The following EPHA8 variants were observed in gnomAD, a reference collection of about 807,000 sequenced individuals.
EPHA8 encodes the protein EPH receptor A8.
In EPHA8, 58 loss-of-function variants were observed where a neutral mutation model predicts 103.6. The observed-to-expected ratio is 0.56, with a 90% CI of 0.45 to 0.70. The LOEUF (loss-of-function observed/expected upper bound fraction) is 0.70, where lower values mean the gene tolerates loss of function less well. EPHA8 is among the 30% of genes least tolerant of loss of function. The pLI is 0.00. For missense variants in EPHA8, 1,304 were observed against 1,395.2 expected (o/e 0.93, Z 1.04); for synonymous variants, 559 against 572.5 (o/e 0.98, Z 0.34).
In EPHA8 at chr1:22,589,067, G is replaced by A. The variant is rs752121330; in HGVS notation, c.1176G>A (p.Leu392=). 1 of 1,613,306 alleles carries A rather than the reference G, an allele frequency of 6.2e-7. No individual in the cohort carries two copies. The highest frequency in any genetic ancestry group is 8.5e-7 in the Non-Finnish European group (1 of 1,179,728). Residue 392 remains leucine (L), a synonymous_variant, in exon 5 of 17, where the codon CTG becomes CTA. Coordinates refer to ENST00000166244, the MANE Select transcript of EPHA8 (RefSeq NM_020526.5). The surrounding 1 kb of genome is among the most constrained non-coding windows in gnomAD (Gnocchi z 4.3). ...GTRFVPQQTS[L]VQASLLVANL... ...GCTTTGTGCCCCAGCAGACAAGCCT[G>A]GTGCAGGCCAGCCTGCTGGTGGCCA...
At position 22,597,195 on chromosome 1, in the gene EPHA8, TCCAG is replaced by T; in HGVS notation, c.1766-116_1766-113del. Reference sequence around the variant, plus strand: ...GGGGTGCGTGTTGTTTGCTACCACATCCAGAGACTCCCAGAGACACCCCTCACCC... The same window carrying T: ...GGGGTGCGTGTTGTTTGCTACCACATAGACTCCCAGAGACACCCCTCACCC... On this transcript the variant is annotated intron_variant, in intron 9 of 16. Transcript: ENST00000166244. This position sits in a 1 kb window ranked among gnomAD's most constrained non-coding sequence, Gnocchi z 4.6. 1 of 821,234 alleles carries T rather than the reference TCCAG, an allele frequency of 1.2e-6. No homozygotes were observed. Among genetic ancestry groups the T allele is most frequent in the Non-Finnish European group, 1.8e-6 (1 of 544,948 alleles). The allele number at this position is 821,234 out of a possible 1,614,324, so 50.9% of individuals were successfully genotyped here.
At position 22,593,608 on chromosome 1, in the gene EPHA8, G is replaced by C. The variant is rs767371482; in HGVS notation, c.1525G>C (p.Val509Leu). Residue 509 changes from valine to leucine, a missense_variant, in exon 7 of 17, where the codon GTG becomes CTG. Val to Leu is a conservative substitution (Grantham distance 32). Transcript: ENST00000166244. Reference sequence around the variant, plus strand: ...CGGCCTCAAGCCGGGCACCCGCTACGTGTTCCAGGTCCGAGCCCGCACCTC... The same window carrying C: ...CGGCCTCAAGCCGGGCACCCGCTACCTGTTCCAGGTCCGAGCCCGCACCTC... ...VSGLKPGTRY[V>L]FQVRARTSAG... The C allele has an allele frequency of 6.2e-7, 1 of 1,610,994 alleles. No homozygotes were observed. Among genetic ancestry groups the C allele is most frequent in the Non-Finnish European group, 8.5e-7 (1 of 1,179,118 alleles).
intron 1 of EPHA8, among the ~76,000 whole-genome samples, chr1:22,566,105 C>A (rs1430520902): frequency 2.0e-5 from 3 of 152,226 alleles, no homozygotes; most frequent in African/African-American, 7.2e-5. Flanking sequence ...CAGTCCCCTA[C>A]AACAGGCCAC....
rs1268665513 is a variant in EPHA8 at position 22,585,056 on chromosome 1, C to T, written c.824-1424C>T. On this transcript the variant is annotated intron_variant, in intron 3 of 16. Transcript: ENST00000166244. The stretch of plus-strand genomic sequence containing the variant: ...GTGTGTGTGTGTGTGTGTGTGCGCA[C>T]GCGTGTGTCTAGAGTTCCAGAAGGG... Among the ~76,000 whole-genome samples, 814 of 86,622 alleles carry T rather than the reference C, an allele frequency of 9.4e-3. 4 individuals are homozygous for T. The highest frequency in any genetic ancestry group is 0.054 in the African/African-American group (737 of 13,546). 56.8% of individuals were successfully genotyped at this position (86,622 alleles called of 152,430 possible).
Position 22,601,633 on chromosome 1 carries a change from G to T in EPHA8, c.2910G>T (p.Val970=). The T allele has an allele frequency of 6.3e-7, 1 of 1,591,874 alleles. No homozygotes were observed. The highest frequency in any genetic ancestry group is 8.6e-7 in the Non-Finnish European group (1 of 1,169,452). Residue 970 remains valine (V), a synonymous_variant, in exon 17 of 17, where the codon GTG becomes GTT. Coordinates refer to ENST00000166244, the MANE Select transcript of EPHA8 (RefSeq NM_020526.5). ...GMVLRMNAQD[V]RALGITLMGH... ...CAGCACCCTTCCTTCACAGGGACGT[G>T]CGCGCCCTGGGCATCACCCTCATGG...
Position 22,598,168 on chromosome 1 carries a change from G to A in EPHA8, c.2134G>A (p.Val712Met), listed in dbSNP as rs149392840. 8 of 1,613,354 alleles carry A rather than the reference G, an allele frequency of 5.0e-6. No homozygotes were observed. The highest frequency in any genetic ancestry group is 6.8e-6 in the Non-Finnish European group (8 of 1,179,972). ...CCGCCCAGGCCGCCTGGCAATGATT[G>A]TGACTGAGTACATGGAGAACGGCTC... ...VVTRGRLAMI[V>M]TEYMENGSLD... Residue 712 changes from valine (V) to methionine (M), a missense_variant, in exon 12 of 17, where the codon GTG (valine) becomes ATG (methionine). Physicochemically the swap from Val to Met is conservative, Grantham distance 21 (BLOSUM62 1). Coordinates refer to ENST00000166244, the MANE Select transcript of EPHA8 (RefSeq NM_020526.5). This position sits in a 1 kb window ranked among gnomAD's most constrained non-coding sequence, Gnocchi z 5.1.
rs1363478134 is a variant in EPHA8, at chr1:22,578,610, AGT to A, written c.823+1733_823+1734del. ...GAATGCGTGTGTGCATGTGTGCATG[AGT>A]GTATGTCTGCGTGTGTGCATGTGTG... On this transcript the variant is annotated intron_variant, in intron 3 of 16. Coordinates refer to ENST00000166244, the MANE Select transcript of EPHA8 (RefSeq NM_020526.5). Among the ~76,000 whole-genome samples the A allele has an allele frequency of 4.7e-4, 58 of 124,210 alleles. No individual in the cohort carries two copies. In the East Asian group the frequency reaches 6.9e-3, roughly 15 times the overall value. 81.5% of individuals were successfully genotyped at this position (124,210 alleles called of 152,430 possible). A position where few individuals can be genotyped will look rare whatever the true frequency, so the allele number is the denominator to read the frequency against.
intron 3 of EPHA8, among the ~76,000 whole-genome samples, chr1:22,585,208 G>C (rs1408980068): frequency 6.6e-6 from 1 of 152,184 alleles, no homozygotes; most frequent in Non-Finnish European, 1.5e-5. Flanking sequence ...GTGGGGATCG[G>C]CCAGTGCTTT....
At position 22,576,264 on chromosome 1, in the gene EPHA8, G is replaced by A. The variant is rs781774323; in HGVS notation, c.207G>A (p.Thr69=). The change falls in exon 3 of 17, where the codon ACG becomes ACA. Residue 69 remains threonine, a synonymous_variant. Transcript: ENST00000166244. This position sits in a 1 kb window ranked among gnomAD's most constrained non-coding sequence, Gnocchi z 4.8. ...EVDESFQPIH[T]YQVCNVMSPN... is the part of the protein sequence containing the mutation. Reference sequence around the variant, plus strand: ...ACGAGTCCTTCCAGCCCATCCACACGTACCAGGTTTGCAACGTCATGAGCC... The same window carrying A: ...ACGAGTCCTTCCAGCCCATCCACACATACCAGGTTTGCAACGTCATGAGCC... 13 of 1,613,704 alleles carry A rather than the reference G, an allele frequency of 8.1e-6. No individual in the cohort carries two copies. In the South Asian group the frequency reaches 8.8e-5, roughly 11 times the overall value.
At chr1:22,599,721 AGGGAGGGAAGGAAGG>A (rs1557583354) in intron 13 of EPHA8, among the ~76,000 whole-genome samples, 14 of 746 alleles carry the variant, frequency 0.019, 1 homozygote, top group Admixed American at 0.034. Context: ...GAAGGAAGGG[AGGGAGGGAAGGAAGG>A]AGGGAGGGAG....
chr1:22,578,997 G>C (rs1462255055), intron 3 of EPHA8, among the ~76,000 whole-genome samples: 1 of 143,866 alleles, frequency 7.0e-6, no homozygotes, highest in Non-Finnish European at 1.5e-5. Context: ...GTGTGCATGT[G>C]TATATGCATG....
chr1:22,583,046 G>A (rs561546792), intron 3 of EPHA8, among the ~76,000 whole-genome samples: 2 of 152,334 alleles, frequency 1.3e-5, no homozygotes, highest in Non-Finnish European at 1.5e-5. Flanking sequence ...GGCTCTTTGC[G>A]GGGGAGAGCA....
At chr1:22,577,952 T>G (rs1465585228) in intron 3 of EPHA8, among the ~76,000 whole-genome samples, 2 of 137,484 alleles carry the variant, frequency 1.5e-5, no homozygotes, top group Non-Finnish European at 3.2e-5. Context: ...TGTGCGAGTG[T>G]ATGCATGTGT....
chr1:22,578,144 ATGTGT>A, intron 3 of EPHA8, among the ~76,000 whole-genome samples: 2 of 66,198 alleles, frequency 3.0e-5, no homozygotes, highest in South Asian at 1.2e-3. Context: ...GCATGTGTGT[ATGTGT>A]GCGTGTGTGC....
In EPHA8 at chr1:22,573,554, CT is replaced by C. The variant is rs201006743; in HGVS notation, c.160-2662del. On this transcript the variant is annotated intron_variant, in intron 2 of 16. Coordinates refer to ENST00000166244, the MANE Select transcript of EPHA8 (RefSeq NM_020526.5). ...CAGAGCATCTGGTCATGAAGCCCCC[CT>C]CCCCCTTTAAGCAATAGGATCTCTA... is the stretch of plus-strand genomic sequence containing the variant. Among the ~76,000 whole-genome samples, 447 of 152,228 alleles carry C rather than the reference CT, an allele frequency of 2.9e-3. 3 individuals carry two copies. The highest frequency in any genetic ancestry group is 9.8e-3 in the African/African-American group (407 of 41,510).
intron 2 of EPHA8, among the ~76,000 whole-genome samples, chr1:22,574,422 A>G (rs1310869005): frequency 6.6e-6 from 1 of 151,790 alleles, no homozygotes; most frequent in Non-Finnish European, 1.5e-5. Context: ...CACTGCCAGA[A>G]CTCCGTTCAT....
Position 22,598,337 on chromosome 1 carries a change from AG to A in EPHA8, c.2178+127del. The A allele has an allele frequency of 5.6e-6, 5 of 895,616 alleles. No homozygotes were observed. The highest frequency in any genetic ancestry group is 8.6e-6 in the Non-Finnish European group (5 of 584,576). The allele number at this position is 895,616 out of a possible 1,614,324, so 55.5% of individuals were successfully genotyped here. ...TGGACACCACAGGCCGGGGGACAGG[AG>A]GCAGGTATAGGGAGGAGGTCTTCGA... On this transcript the variant is annotated intron_variant, in intron 12 of 16. Coordinates refer to ENST00000166244, the MANE Select transcript of EPHA8 (RefSeq NM_020526.5). The surrounding 1 kb of genome is among the most constrained non-coding windows in gnomAD (Gnocchi z 5.1).
Position 22,597,328 on chromosome 1 carries a change from C to T in EPHA8, c.1782C>T (p.Phe594=), listed in dbSNP as rs750902137. 6.9e-6 allele frequency: 11 copies of T among 1,593,202 alleles called. No individual in the cohort carries two copies. The highest frequency in any genetic ancestry group is 1.7e-4 in the Middle Eastern group (1 of 6,008). Residue 594 remains phenylalanine (F), a synonymous_variant, in exon 10 of 17, where the codon TTC becomes TTT. Transcript: ENST00000166244. The surrounding 1 kb of genome is among the most constrained non-coding windows in gnomAD (Gnocchi z 4.6). ...GCCCCTCAGCACCCCCACCTGTCTT[C>T]CTGCCTCTGCATCACCCCCCGGGAA... ...YQNGQAPPPV[F]LPLHHPPGKL... is the part of the protein sequence containing the mutation.
At chr1:22,588,371 G>A (rs979363517) in intron 4 of EPHA8, among the ~76,000 whole-genome samples, 46 of 152,174 alleles carry the variant, frequency 3.0e-4, no homozygotes, top group Non-Finnish European at 4.3e-4. Flanking sequence ...GTTGGGGAGC[G>A]GCTGCTTGGT....
Sources: allele counts gnomAD v4.1 joint callset (sites outside exome capture counted in the v4.1 genomes callset), GRCh38; gene constraint gnomAD v4.1.1; non-coding constraint Gnocchi (gnomAD v3.1); transcripts MANE v1.5; gene names NCBI Gene and HGNC (gene_info 2026-07-23, HGNC 2026-07-21).